The following SLC16A7 variants were observed in gnomAD, a reference collection of about 807,000 sequenced individuals.
SLC16A7 encodes monocarboxylate transporter 2.
In SLC16A7, 33 loss-of-function variants were observed where a neutral mutation model predicts 34.9. The ratio of observed to expected loss-of-function variants is 0.94; its 90% CI spans 0.72 to 1.26. The LOEUF is 1.26. Ranked by LOEUF, SLC16A7 falls within the 50% of genes most tolerant of loss-of-function variation. SLC16A7 has a pLI of 0.00. For synonymous variants in SLC16A7, 201 were observed against 206.6 expected (o/e 0.97, Z 0.23); for missense variants, 573 against 578.1 (o/e 0.99, Z 0.09).
intron 3 of SLC16A7, among the ~76,000 whole-genome samples, chr12:59,749,388 C>A (rs1879247641): frequency 6.6e-6 from 1 of 152,170 alleles, no homozygotes; most frequent in Admixed American, 6.5e-5. Context: ...CCAGTAAGGG[C>A]TGCCATACTG....
chr12:59,617,476 T>C (rs367793083), intron 1 of SLC16A7, among the ~76,000 whole-genome samples: 7 of 151,990 alleles, frequency 4.6e-5, no homozygotes, highest in African/African-American at 1.7e-4. Context: ...TTTGTCTTTA[T>C]AGACAAACTA....
rs748332202 is a variant in SLC16A7 at position 59,664,301 on chromosome 12, C to T, written c.-31+9051C>T. ...AAGGTTATAGTAATTTCTTCTAAAA[C>T]GAAGATGGTACTAATGATCTATCAC... is the stretch of plus-strand genomic sequence containing the variant. On this transcript the variant is annotated intron_variant, in intron 2 of 5. Coordinates refer to ENST00000547379, the MANE Select transcript of SLC16A7 (RefSeq NM_001270623.2). 9.2e-5 allele frequency among the ~76,000 whole-genome samples: 14 copies of T among 152,116 alleles called. No homozygotes were observed. In the East Asian group the frequency reaches 1.7e-3, roughly 19 times the overall value.
chr12:59,754,972 T>G (rs142242925), intron 3 of SLC16A7, among the ~76,000 whole-genome samples: 35,661 of 152,138 alleles, frequency 0.23, 4,340 homozygotes, highest in East Asian at 0.31. Context: ...CCAATAAATG[T>G]AATCCAGCAT....
chr12:59,757,972 A>G (rs1451471223), intron 3 of SLC16A7, among the ~76,000 whole-genome samples: 1 of 152,140 alleles, frequency 6.6e-6, no homozygotes, highest in Non-Finnish European at 1.5e-5. Flanking sequence ...GCAGAAGGCT[A>G]TTAGTTTTTT....
intron 2 of SLC16A7, among the ~76,000 whole-genome samples, chr12:59,675,578 T>A (rs1177042628): frequency 6.6e-6 from 1 of 152,154 alleles, no homozygotes; most frequent in African/African-American, 2.4e-5. Flanking sequence ...AGATCACATG[T>A]TCAAGCCTCA....
intron 3 of SLC16A7, chr12:59,764,008 C>T (rs550882955): frequency 2.0e-5 from 3 of 152,228 alleles, no homozygotes; most frequent in African/African-American, 7.2e-5. Context: ...ACTTAATAAA[C>T]CTACAGTGGC....
intron 2 of SLC16A7, among the ~76,000 whole-genome samples, chr12:59,677,323 GA>G (rs897090505): frequency 2.0e-5 from 3 of 152,100 alleles, no homozygotes; most frequent in Non-Finnish European, 4.4e-5. Context: ...ATATTAAAGA[GA>G]TTTTTTTAAG....
chr12:59,720,753 C>T (rs183322449), intron 3 of SLC16A7, among the ~76,000 whole-genome samples: 3 of 152,154 alleles, frequency 2.0e-5, no homozygotes, highest in African/African-American at 4.8e-5. Context: ...ATCACCATGT[C>T]GTATCTTCCA....
At chr12:59,733,816 T>C in intron 3 of SLC16A7, 1 of 455,854 alleles carries the variant, frequency 2.2e-6, no homozygotes, top group Non-Finnish European at 4.4e-6. Flanking sequence ...ACAAAACAAC[T>C]CTTAGGAGAG....
intron 2 of SLC16A7, among the ~76,000 whole-genome samples, chr12:59,657,832 A>AT (rs1174435332): frequency 6.6e-6 from 1 of 152,020 alleles, no homozygotes; most frequent in Non-Finnish European, 1.5e-5. Context: ...AGTAGCATAG[A>AT]TTCTAGCATT....
intron 1 of SLC16A7, among the ~76,000 whole-genome samples, chr12:59,626,797 G>A (rs1458995923): frequency 1.3e-5 from 2 of 151,764 alleles, no homozygotes; most frequent in Non-Finnish European, 2.9e-5. Context: ...GTGTAAGAGG[G>A]AAAGCAAGTC....
intron 1 of SLC16A7, among the ~76,000 whole-genome samples, chr12:59,643,427 A>G (rs983306422): frequency 1.3e-5 from 2 of 152,176 alleles, no homozygotes; most frequent in Non-Finnish European, 2.9e-5. Flanking sequence ...TTGTTCATTT[A>G]GTCATCAAAC....
intron 3 of SLC16A7, among the ~76,000 whole-genome samples, chr12:59,734,869 T>G (rs560191530): frequency 6.6e-6 from 1 of 152,362 alleles, no homozygotes; most frequent in Non-Finnish European, 1.5e-5. Context: ...TATAGCTATA[T>G]TCTTTAAAAT....
chr12:59,620,420 A>G (rs1310510646), intron 1 of SLC16A7, among the ~76,000 whole-genome samples: 1 of 151,974 alleles, frequency 6.6e-6, no homozygotes, highest in East Asian at 1.9e-4. Flanking sequence ...ATTAGAATTA[A>G]TTTTAAGGAA....
intron 1 of SLC16A7, among the ~76,000 whole-genome samples, chr12:59,607,069 T>C (rs1489058582): frequency 6.6e-6 from 1 of 152,220 alleles, no homozygotes; most frequent in African/African-American, 2.4e-5. Flanking sequence ...TTTCCTGTTT[T>C]CTGTGGCTGC....
Position 59,779,902 on chromosome 12 carries a change from A to G in SLC16A7, c.*223A>G, listed in dbSNP as rs1223878529. ...TATGCATAGAAAGAATCCATGCTAT[A>G]GGTTTATTTCCATACCTGACTCTGG... On this transcript the variant is annotated 3_prime_UTR_variant, in exon 6 of 6. Transcript: ENST00000547379. 3 of 434,388 alleles carry G rather than the reference A, an allele frequency of 6.9e-6. No homozygotes were observed. Among genetic ancestry groups the G allele is most frequent in the Admixed American group, 4.2e-5 (1 of 24,070 alleles). The allele number at this position is 434,388 out of a possible 1,614,324, so 26.9% of individuals were successfully genotyped here.
rs757182055 is a variant in SLC16A7 at position 59,775,119 on chromosome 12, A to G, written c.824A>G (p.Gln275Arg). The G allele has an allele frequency of 1.9e-5, 31 of 1,614,130 alleles. No individual in the cohort carries two copies. Among genetic ancestry groups the G allele is most frequent in the Non-Finnish European group, 2.6e-5 (31 of 1,180,002 alleles). ...TTCTTGGCTCCATATGCTAAAGACC[A>G]AGGAATTGATGAGTACTCGGCAGCT... ...IIFLAPYAKD[Q>R]GIDEYSAAFL... Residue 275 changes from glutamine (Q) to arginine (R), a missense_variant, in exon 5 of 6, where the codon CAA becomes CGA. Gln to Arg is a conservative substitution (Grantham distance 43, BLOSUM62 1). Transcript: ENST00000547379.
intron 2 of SLC16A7, among the ~76,000 whole-genome samples, chr12:59,666,544 A>G (rs1358696419): frequency 6.6e-6 from 1 of 152,128 alleles, no homozygotes; most frequent in African/African-American, 2.4e-5. Context: ...GAGGTAATTG[A>G]ATCATGAGGG....
intron 2 of SLC16A7, among the ~76,000 whole-genome samples, chr12:59,693,804 T>C: frequency 6.6e-6 from 1 of 151,842 alleles, no homozygotes; most frequent in East Asian, 1.9e-4. Flanking sequence ...TATAATTTTA[T>C]GCAGAAAAAG....
Sources: allele counts gnomAD v4.1 joint callset (sites outside exome capture counted in the v4.1 genomes callset), GRCh38; gene constraint gnomAD v4.1.1; transcripts MANE v1.5; gene names NCBI Gene and HGNC (gene_info 2026-07-23, HGNC 2026-07-21).